FGF14: variants seen among roughly 807,000 people sequenced by gnomAD.
The protein encoded by FGF14 is fibroblast growth factor homologous factor 4.
Under a neutral mutation model 25.5 loss-of-function variants are expected in FGF14, and 5 were observed. The observed-to-expected ratio is 0.20, with a 90% CI of 0.10 to 0.41. FGF14 has a LOEUF of 0.41. Ranked by LOEUF, FGF14 falls within the 10% of genes least tolerant of loss-of-function variation. The pLI is 1.00. For synonymous variants in FGF14, 138 were observed against 118.3 expected (o/e 1.17, Z -1.08); for missense variants, 222 against 320.1 (o/e 0.69, Z 2.34).
chr13:102,248,925 A>C (rs947806818), intron 1 of FGF14, among the ~76,000 whole-genome samples: 4 of 152,094 alleles, frequency 2.6e-5, no homozygotes, highest in Admixed American at 1.3e-4. Flanking sequence ...AGGAGTCCAA[A>C]CCCCAAAATT....
At chr13:102,022,167 A>G (rs2139872035) in intron 1 of FGF14, among the ~76,000 whole-genome samples, 1 of 152,122 alleles carries the variant, frequency 6.6e-6, no homozygotes, top group African/African-American at 2.4e-5. Context: ...AGTCAAAAAG[A>G]GCTTCCTTTT....
chr13:101,864,584 G>A (rs7999196), intron 3 of FGF14, among the ~76,000 whole-genome samples: 2 of 152,048 alleles, frequency 1.3e-5, no homozygotes, highest in South Asian at 2.1e-4. Flanking sequence ...GGTGATTCGC[G>A]TGAGCCCTAA....
At chr13:102,023,626 C>A (rs987242493) in intron 1 of FGF14, among the ~76,000 whole-genome samples, 2 of 152,046 alleles carry the variant, frequency 1.3e-5, no homozygotes, top group Non-Finnish European at 2.9e-5. Context: ...CCCCTGACAA[C>A]AACTAATCTA....
At chr13:101,967,438 A>G (rs1297031164) in intron 1 of FGF14, among the ~76,000 whole-genome samples, 9 of 152,234 alleles carry the variant, frequency 5.9e-5, no homozygotes, top group Non-Finnish European at 8.8e-5. Flanking sequence ...TTTCTGCAGT[A>G]TAAACAAAGC....
At chr13:102,220,272 T>C (rs2050549202) in intron 1 of FGF14, among the ~76,000 whole-genome samples, 2 of 152,198 alleles carry the variant, frequency 1.3e-5, no homozygotes, top group Non-Finnish European at 2.9e-5. Flanking sequence ...TATGTGATTA[T>C]ATTTTTCATT....
intron 3 of FGF14, among the ~76,000 whole-genome samples, chr13:101,761,202 G>A (rs555400248): frequency 1.3e-5 from 2 of 152,132 alleles, no homozygotes; most frequent in African/African-American, 4.8e-5. Flanking sequence ...ATAACTTTTA[G>A]CTTTATATAA....
intron 1 of FGF14, among the ~76,000 whole-genome samples, chr13:101,876,854 C>T (rs1377366056): frequency 6.6e-6 from 1 of 152,050 alleles, no homozygotes; most frequent in Non-Finnish European, 1.5e-5. Context: ...CCTGACTGGG[C>T]TAAGTACTAA....
At chr13:101,755,061 CAAAT>C (rs1281672018) in intron 3 of FGF14, among the ~76,000 whole-genome samples, 1 of 152,016 alleles carries the variant, frequency 6.6e-6, no homozygotes, top group East Asian at 1.9e-4. Context: ...CTTATACAAA[CAAAT>C]ACTACAGAAA....
At chr13:102,296,200 C>T (rs1418494854) in intron 1 of FGF14, among the ~76,000 whole-genome samples, 3 of 152,134 alleles carry the variant, frequency 2.0e-5, no homozygotes, top group South Asian at 2.1e-4. Flanking sequence ...ACAAAGAAAA[C>T]AGATGGTCTC....
At chr13:101,914,064 T>A (rs1242235902) in intron 1 of FGF14, among the ~76,000 whole-genome samples, 2 of 152,128 alleles carry the variant, frequency 1.3e-5, no homozygotes, top group East Asian at 3.9e-4. Context: ...TATAAAACCA[T>A]CAGACTTAAA....
chr13:102,166,026 C>A (rs1254438425), intron 1 of FGF14, among the ~76,000 whole-genome samples: 1 of 151,458 alleles, frequency 6.6e-6, no homozygotes, highest in East Asian at 1.9e-4. Flanking sequence ...TCACCATCGT[C>A]CATCTCCAGA....
At chr13:102,190,210 G>A (rs1464549491) in intron 1 of FGF14, among the ~76,000 whole-genome samples, 2 of 152,146 alleles carry the variant, frequency 1.3e-5, no homozygotes, top group South Asian at 2.1e-4. Context: ...GCTTGAATTG[G>A]TTACATTTCC....
chr13:101,725,031 A>G (rs1280975594), intron 4 of FGF14, among the ~76,000 whole-genome samples: 2 of 151,994 alleles, frequency 1.3e-5, no homozygotes, highest in Non-Finnish European at 2.9e-5. Context: ...GTTAAATGAC[A>G]TAACAGCCCT....
At chr13:102,294,758 A>G (rs1347021546) in intron 1 of FGF14, among the ~76,000 whole-genome samples, 8 of 152,050 alleles carry the variant, frequency 5.3e-5, no homozygotes, top group Non-Finnish European at 4.4e-5. Context: ...TCCCTAGTCT[A>G]TATAGTTAGA....
chr13:101,931,079 C>A (rs527625101), intron 1 of FGF14, among the ~76,000 whole-genome samples: 1 of 152,342 alleles, frequency 6.6e-6, no homozygotes, highest in African/African-American at 2.4e-5. Flanking sequence ...ATTTATCCTT[C>A]TTCCATATGA....
intron 3 of FGF14, among the ~76,000 whole-genome samples, chr13:101,865,463 G>A (rs368032412): frequency 1.7e-4 from 26 of 151,972 alleles, no homozygotes; most frequent in Admixed American, 4.6e-4. Flanking sequence ...GCTTGTATCC[G>A]ACATTAAATC....
At chr13:102,282,116 G>C (rs2053870685) in intron 1 of FGF14, among the ~76,000 whole-genome samples, 1 of 151,150 alleles carries the variant, frequency 6.6e-6, no homozygotes, top group Non-Finnish European at 1.5e-5. Context: ...GCCCAGGCTG[G>C]AGTAAAATGG....
At chr13:102,204,798 G>T (rs998267958) in intron 1 of FGF14, among the ~76,000 whole-genome samples, 17 of 152,060 alleles carry the variant, frequency 1.1e-4, no homozygotes, top group African/African-American at 3.4e-4. Context: ...TCCCACCTCG[G>T]CCTCCCAAAG....
intron 3 of FGF14, among the ~76,000 whole-genome samples, chr13:101,858,685 C>G (rs937048818): frequency 2.6e-5 from 4 of 151,906 alleles, no homozygotes; most frequent in Non-Finnish European, 5.9e-5. Context: ...GTTTTTAACC[C>G]CCAGAGGAAA....
Sources: allele counts gnomAD v4.1 joint callset (sites outside exome capture counted in the v4.1 genomes callset), GRCh38; gene constraint gnomAD v4.1.1; transcripts MANE v1.5; gene names NCBI Gene and HGNC (gene_info 2026-07-23, HGNC 2026-07-21).